SPATA6: variants seen among roughly 807,000 people sequenced by gnomAD.
SPATA6 encodes spermatogenesis associated 6.
SPATA6 carries 56 observed loss-of-function variants against 65.3 expected under a neutral mutation model. That is an observed-to-expected ratio of 0.86 (90% CI 0.69 to 1.07). The LOEUF is 1.07. SPATA6 is among the 50% of genes least tolerant of loss of function. The pLI is 0.00. For synonymous variants in SPATA6, 199 were observed against 213.2 expected, an observed-to-expected ratio of 0.93 and a Z score of 0.58; for missense variants, 590 against 594.8, an observed-to-expected ratio of 0.99 and a Z score of 0.08.
intron 8 of SPATA6, among the ~76,000 whole-genome samples, chr1:48,386,718 C>T (rs1242924279): frequency 5.3e-5 from 8 of 152,338 alleles, no homozygotes; most frequent in South Asian, 2.1e-4. Flanking sequence ...CCTGAACCCT[C>T]GTGAGCCCTG....
At chr1:48,344,154 G>GT (rs1390157725) in intron 11 of SPATA6, 3 of 152,076 alleles carry the variant, frequency 2.0e-5, no homozygotes, top group African/African-American at 7.2e-5. Flanking sequence ...TGTTAAAAGT[G>GT]TAAGTATGAA....
At chr1:48,426,402 C>T (rs182138445) in intron 3 of SPATA6, among the ~76,000 whole-genome samples, 1 of 152,184 alleles carries the variant, frequency 6.6e-6, no homozygotes, top group African/African-American at 2.4e-5. Context: ...AAACTGACCA[C>T]CCAGGGTTCC....
chr1:48,357,691 T>C (rs1358622990), intron 10 of SPATA6, among the ~76,000 whole-genome samples: 1 of 152,108 alleles, frequency 6.6e-6, no homozygotes, highest in Admixed American at 6.6e-5. Flanking sequence ...AAAAAGCCAT[T>C]TCAGAGAATG....
the SPATA6 span, among the ~76,000 whole-genome samples, chr1:48,279,587 C>T: frequency 1.3e-5 from 2 of 152,042 alleles, no homozygotes; most frequent in East Asian, 1.9e-4. Flanking sequence ...GACAAAGAAG[C>T]CCATTACATA....
intron 11 of SPATA6, among the ~76,000 whole-genome samples, chr1:48,317,533 G>T (rs534207633): frequency 2.6e-5 from 4 of 152,112 alleles, no homozygotes; most frequent in South Asian, 4.2e-4. Context: ...GTTGTGGGGT[G>T]GGGGGAGAGG....
At position 48,370,796 on chromosome 1, in the gene SPATA6, G is replaced by A. The variant is rs77833662; in HGVS notation, c.910-11026C>T. ...GGTTCCAGACCAATTATATATGAGG[G>A]ATCTATGGCAGAAACAAATTGCAAA... On this transcript the variant is annotated intron_variant, in intron 9 of 12. Transcript: ENST00000371847. 8.6e-3 allele frequency among the ~76,000 whole-genome samples: 1,315 copies of A among 152,216 alleles called. 6 individuals carry two copies. Among genetic ancestry groups the A allele is most frequent in the Non-Finnish European group, 0.014 (976 of 68,008 alleles).
chr1:48,360,378 C>T (rs1214202110), intron 9 of SPATA6, among the ~76,000 whole-genome samples: 1 of 151,812 alleles, frequency 6.6e-6, no homozygotes, highest in Admixed American at 6.6e-5. Context: ...CTGATGGGTG[C>T]GATGGAAAGA....
At chr1:48,409,040 A>C (rs1382374578) in intron 5 of SPATA6, among the ~76,000 whole-genome samples, 2 of 152,170 alleles carry the variant, frequency 1.3e-5, no homozygotes, top group African/African-American at 4.8e-5. Flanking sequence ...CAAAGTCTTA[A>C]CTCATTTCAG....
At chr1:48,398,866 T>A (rs1650860633) in intron 7 of SPATA6, among the ~76,000 whole-genome samples, 1 of 151,888 alleles carries the variant, frequency 6.6e-6, no homozygotes, top group Non-Finnish European at 1.5e-5. Flanking sequence ...GGCCTTCCCA[T>A]AACCATCAAA....
At chr1:48,463,464 A>G (rs914475400) in intron 1 of SPATA6, among the ~76,000 whole-genome samples, 4 of 152,216 alleles carry the variant, frequency 2.6e-5, no homozygotes, top group Non-Finnish European at 4.4e-5. Context: ...CATAATAAAA[A>G]TTATAAAATA....
At chr1:48,444,748 C>T (rs545703497) in intron 3 of SPATA6, among the ~76,000 whole-genome samples, 7 of 152,140 alleles carry the variant, frequency 4.6e-5, no homozygotes, top group Non-Finnish European at 7.3e-5. Flanking sequence ...CTCACTCTTT[C>T]GGTCCGTGCC....
chr1:48,426,529 G>C (rs554631074), intron 3 of SPATA6, among the ~76,000 whole-genome samples: 1 of 152,242 alleles, frequency 6.6e-6, no homozygotes, highest in East Asian at 1.9e-4. Flanking sequence ...AAATGGAACA[G>C]AGACAGAATA....
At chr1:48,441,337 G>T (rs1210296461) in intron 3 of SPATA6, among the ~76,000 whole-genome samples, 3 of 124,342 alleles carry the variant, frequency 2.4e-5, no homozygotes, top group Non-Finnish European at 3.6e-5. Context: ...TGTCCTCAAG[G>T]TCCGTTACCA....
chr1:48,342,585 C>T (rs1347893308), intron 11 of SPATA6, among the ~76,000 whole-genome samples: 2 of 146,590 alleles, frequency 1.4e-5, no homozygotes, highest in Non-Finnish European at 3.0e-5. Context: ...CACTGTACTC[C>T]AGCCTGGGTG....
chr1:48,322,884 C>A (rs188205030), intron 11 of SPATA6, among the ~76,000 whole-genome samples: 1 of 152,254 alleles, frequency 6.6e-6, no homozygotes, highest in South Asian at 2.1e-4. Context: ...TCATCTCATG[C>A]CAGTTAGAAT....
At chr1:48,380,953 C>T (rs533661958) in intron 9 of SPATA6, among the ~76,000 whole-genome samples, 19 of 152,174 alleles carry the variant, frequency 1.2e-4, no homozygotes, top group Admixed American at 3.3e-4. Context: ...TGGTGGGGGG[C>T]GGGGAGGATG....
Position 48,355,735 on chromosome 1 carries a change from C to T in SPATA6, c.1129G>A (p.Asp377Asn), listed in dbSNP as rs754641660. Residue 377 changes from aspartate (D) to asparagine (N), a missense_variant, in exon 11 of 13, where the codon GAT becomes AAT. Asp to Asn is a conservative substitution (Grantham distance 23). Transcript: ENST00000371847. ...HSDWCSPSNC[D>N]EIHDRVKNVL... ...TTTTTTACCCGGTCATGGATCTCAT[C>T]GCAGTTTGAAGGTGAACACCAATCA... 2.4e-5 allele frequency: 39 copies of T among 1,612,910 alleles called. No individual in the cohort carries two copies. The highest frequency in any genetic ancestry group is 2.7e-5 in the Non-Finnish European group (32 of 1,179,398).
At chr1:48,366,728 G>A (rs1472571797) in intron 9 of SPATA6, among the ~76,000 whole-genome samples, 1 of 151,836 alleles carries the variant, frequency 6.6e-6, no homozygotes, top group Admixed American at 6.6e-5. Flanking sequence ...CAATTTTGTT[G>A]ATCTTTTCAA....
At chr1:48,345,753 A>G (rs1475532085) in intron 11 of SPATA6, among the ~76,000 whole-genome samples, 2 of 152,082 alleles carry the variant, frequency 1.3e-5, no homozygotes, top group Non-Finnish European at 2.9e-5. Context: ...GAAATAGATA[A>G]ATTCTTAGAT....
Sources: gnomAD v4.1 joint callset for allele counts (sites outside exome capture counted in the v4.1 genomes callset) on GRCh38, gnomAD v4.1.1 for gene constraint, MANE v1.5 for transcripts, NCBI Gene and HGNC (gene_info 2026-07-23, HGNC 2026-07-21) for gene names.